AFF1: variants seen among roughly 807,000 people sequenced by gnomAD.
AFF1 encodes AF4/FMR2 family member 1.
Under a neutral mutation model 121.7 loss-of-function variants are expected in AFF1, and 48 were observed. The ratio of observed to expected loss-of-function variants is 0.39; its 90% CI spans 0.31 to 0.50. The LOEUF (loss-of-function observed/expected upper bound fraction) is 0.50. Among genes scored for constraint, AFF1 ranks in the 20% least tolerant of loss-of-function variants. AFF1 has a pLI of 0.76. For missense variants in AFF1, 1,523 were observed against 1,511.7 expected, an observed-to-expected ratio of 1.01 and a Z score of -0.12; for synonymous variants, 613 against 563.0, an observed-to-expected ratio of 1.09 and a Z score of -1.26.
intron 2 of AFF1, among the ~76,000 whole-genome samples, chr4:86,982,144 A>G (rs1723799645): frequency 6.6e-6 from 1 of 152,204 alleles, no homozygotes; most frequent in Non-Finnish European, 1.5e-5. Context: ...ATAAATGAGG[A>G]AAGTCATTGT....
chr4:87,125,027 A>G lies in AFF1; in HGVS notation c.2467-10A>G, dbSNP rs888152222. On this transcript the variant is annotated splice_polypyrimidine_tract_variant and intron_variant, in intron 12 of 20. Coordinates refer to ENST00000395146, the MANE Select transcript of AFF1 (RefSeq NM_001166693.3). Reference sequence around the variant, plus strand: ...GGTAATAATTTGCTTTGCTGATTATACTGTAATAGGGTGAAGCAGAAAGAG... The same window carrying G: ...GGTAATAATTTGCTTTGCTGATTATGCTGTAATAGGGTGAAGCAGAAAGAG... 3.2e-6 allele frequency: 5 copies of G among 1,572,638 alleles called. No homozygotes were observed. The highest frequency in any genetic ancestry group is 2.7e-5 in the African/African-American group (2 of 73,254).
chr4:87,063,820 T>A (rs1237635355), intron 4 of AFF1, among the ~76,000 whole-genome samples: 1 of 152,216 alleles, frequency 6.6e-6, no homozygotes, highest in African/African-American at 2.4e-5. Context: ...AAAGAAAATT[T>A]ATGCTGTAGG....
At chr4:87,027,726 C>T (rs1027053186) in intron 2 of AFF1, among the ~76,000 whole-genome samples, 3 of 150,666 alleles carry the variant, frequency 2.0e-5, no homozygotes, top group Non-Finnish European at 4.4e-5. Context: ...TTAAATAGTC[C>T]TAATTCAAAA....
chr4:87,053,843 C>T (rs1198910421), intron 4 of AFF1, among the ~76,000 whole-genome samples: 3 of 152,208 alleles, frequency 2.0e-5, no homozygotes, highest in Non-Finnish European at 2.9e-5. Flanking sequence ...AGGGAAACTA[C>T]AAGCTATTCT....
In AFF1 at chr4:87,108,464, C is replaced by T; in HGVS notation, c.1533+149C>T. The T allele has an allele frequency of 4.8e-6, 4 of 830,638 alleles. No individual in the cohort carries two copies. The South Asian group carries it at 8.7e-5, about 18-fold the overall frequency. The allele number at this position is 830,638 out of a possible 1,614,324, so 51.5% of individuals were successfully genotyped here. A position where few individuals can be genotyped will look rare whatever the true frequency, so the allele number is the denominator to read the frequency against. The stretch of plus-strand genomic sequence containing the variant: ...TTTCCTGCTCCTATGCTGTCTAGAG[C>T]CATCTGTTTCTATTTATTTGCTTCT... On this transcript the variant is annotated intron_variant, in intron 11 of 20. Transcript: ENST00000395146.
At chr4:86,961,960 G>T (rs1722184118) in intron 2 of AFF1, among the ~76,000 whole-genome samples, 1 of 152,124 alleles carries the variant, frequency 6.6e-6, no homozygotes, top group Admixed American at 6.6e-5. Context: ...TTTAAGAATG[G>T]AGGTTTAATT....
In AFF1 at chr4:87,088,171, A is replaced by AC. The variant is rs1255751609; in HGVS notation, c.1105-1813_1105-1812insC. Reference sequence around the variant, plus strand: ...ATGGCTGGTAAGGATTGGAGTTAGGATTCAATCTGGGTCTTTGGCTATAGC... The same window carrying AC: ...ATGGCTGGTAAGGATTGGAGTTAGGACTTCAATCTGGGTCTTTGGCTATAGC... On this transcript the variant is annotated intron_variant, in intron 5 of 20. Transcript: ENST00000395146. 1.2e-4 allele frequency among the ~76,000 whole-genome samples: 6 copies of AC among 49,604 alleles called. No homozygotes were observed. In the East Asian group the frequency reaches 3.5e-3, roughly 29 times the overall value. The allele number at this position is 49,604 out of a possible 152,430, so 32.5% of individuals were successfully genotyped here. A position where few individuals can be genotyped will look rare whatever the true frequency, so the allele number is the denominator to read the frequency against.
chr4:87,106,607 A>G (rs1206630171), intron 10 of AFF1, among the ~76,000 whole-genome samples: 1 of 152,242 alleles, frequency 6.6e-6, no homozygotes, highest in Non-Finnish European at 1.5e-5. Context: ...GACCAGCAGT[A>G]CATTTTAGTG....
chr4:87,071,531 C>T (rs1157271485), intron 4 of AFF1, among the ~76,000 whole-genome samples: 2 of 152,092 alleles, frequency 1.3e-5, no homozygotes, highest in Non-Finnish European at 2.9e-5. Context: ...TAATAATACA[C>T]TTCCTTCCCC....
At chr4:87,029,449 C>A (rs146458213) in intron 2 of AFF1, among the ~76,000 whole-genome samples, 112 of 152,326 alleles carry the variant, frequency 7.4e-4, no homozygotes, top group African/African-American at 2.7e-3. Flanking sequence ...TCAGATCCAG[C>A]AGTGCATTCT....
At chr4:87,117,175 A>G (rs1321566962) in intron 12 of AFF1, among the ~76,000 whole-genome samples, 7 of 152,224 alleles carry the variant, frequency 4.6e-5, no homozygotes, top group Admixed American at 4.6e-4. Context: ...GTGGCTCTAG[A>G]AAGGGAAACT....
chr4:87,047,681 A>T (rs1560573341), intron 4 of AFF1, 87 bp downstream of exon 4: 2 of 1,563,094 alleles, frequency 1.3e-6, no homozygotes, highest in Non-Finnish European at 1.8e-6. Flanking sequence ...CAAGGTGGGG[A>T]GGTTAGTCCA....
intron 11 of AFF1, among the ~76,000 whole-genome samples, chr4:87,109,109 G>T (rs442177): frequency 0.56 from 85,741 of 151,982 alleles, 24,521 homozygotes; most frequent in Middle Eastern, 0.68. Flanking sequence ...GGGAAGGCAT[G>T]CTTTTCTTTT....
Position 87,115,174 on chromosome 4 carries a change from C to G in AFF1, c.2341C>G (p.Pro781Ala). ...CACCCTAGACCTGCTCTCTCGGATA[C>G]CCCAGCCTCCCGGGAAGGGGAGCCG... ...KITLDLLSRI[P>A]QPPGKGSRQR... Residue 781 changes from proline (P) to alanine (A), a missense_variant, in exon 12 of 21, where the codon CCC (proline) becomes GCC (alanine). By Grantham distance (27) the Pro-to-Ala change is conservative. Transcript: ENST00000395146. The G allele has an allele frequency of 6.2e-7, 1 of 1,614,184 alleles. No individual in the cohort carries two copies. The highest frequency in any genetic ancestry group is 8.5e-7 in the Non-Finnish European group (1 of 1,180,028).
intron 2 of AFF1, among the ~76,000 whole-genome samples, chr4:86,982,126 T>C (rs953941734): frequency 6.6e-6 from 1 of 152,190 alleles, no homozygotes; most frequent in Non-Finnish European, 1.5e-5. Flanking sequence ...GAAAGTCAAC[T>C]TACTGATATA....
intron 2 of AFF1, chr4:86,973,732 CTTTCTCT>C (rs1030329698): frequency 7.9e-5 from 12 of 151,830 alleles, no homozygotes; most frequent in East Asian, 3.9e-4. Flanking sequence ...TTCTTTTTTC[CTTTCTCT>C]TTTCTCTTTT....
chr4:86,945,590 T>C (rs1011117925), intron 1 of AFF1, among the ~76,000 whole-genome samples: 13 of 150,782 alleles, frequency 8.6e-5, no homozygotes, highest in African/African-American at 3.2e-4. Flanking sequence ...GCTTCCTCCT[T>C]CCTGGGCTCA....
chr4:86,938,128 A>G (rs11936392), intron 1 of AFF1, among the ~76,000 whole-genome samples: 3,033 of 152,262 alleles, frequency 0.02, 108 homozygotes, highest in African/African-American at 0.068. Context: ...GAGATTGAGA[A>G]AGTATGTTAG....
intron 10 of AFF1, among the ~76,000 whole-genome samples, chr4:87,107,377 T>C (rs1005089012): frequency 3.3e-5 from 5 of 152,218 alleles, no homozygotes; most frequent in African/African-American, 9.7e-5. Flanking sequence ...GTGATCAATG[T>C]GTTTTCTTAC....
Sources: gnomAD v4.1 joint callset for allele counts (sites outside exome capture counted in the v4.1 genomes callset) on GRCh38, gnomAD v4.1.1 for gene constraint, MANE v1.5 for transcripts, NCBI Gene and HGNC (gene_info 2026-07-23, HGNC 2026-07-21) for gene names.